The following ZDHHC16 variants were observed in gnomAD, a reference collection of about 807,000 sequenced individuals.
ZDHHC16 encodes zDHHC palmitoyltransferase 16.
In ZDHHC16, 33 loss-of-function variants were observed where a neutral mutation model predicts 54.4. The ratio of observed to expected loss-of-function variants is 0.61; its 90% CI spans 0.46 to 0.81. ZDHHC16 has a LOEUF of 0.81. Ranked by LOEUF, ZDHHC16 falls within the 30% of genes least tolerant of loss-of-function variation. The pLI, the probability that ZDHHC16 is intolerant of heterozygous loss-of-function variation, is 0.00. For missense variants in ZDHHC16, 420 were observed against 485.9 expected, an observed-to-expected ratio of 0.86 and a Z score of 1.28; for synonymous variants, 185 against 182.1, an observed-to-expected ratio of 1.02 and a Z score of -0.13.
At chr10:97,451,650 C>T (rs780322317) in intron 2 of ZDHHC16, 21 bp from the exon 3 acceptor site, 17 of 1,595,970 alleles carry the variant, frequency 1.1e-5, no homozygotes, top group African/African-American at 2.7e-5. Flanking sequence ...ACTAGATCCT[C>T]ACAATGGTGT....
chr10:97,453,104 G>A (rs1289361605), intron 6 of ZDHHC16, among the ~76,000 whole-genome samples, 181 bp downstream of exon 6: 1 of 152,168 alleles, frequency 6.6e-6, no homozygotes, highest in Non-Finnish European at 1.5e-5. Context: ...CTTGGAGCAG[G>A]GAATCTTTTA....
Position 97,457,020 on chromosome 10 carries a change from C to A in ZDHHC16, c.*129C>A. ...AGTGGGCCTGCCTTAGGGTACCATG[C>A]AGGACAATTCAAGGACCAGCCTTTT... On this transcript the variant is annotated 3_prime_UTR_variant, in exon 12 of 12. Coordinates refer to ENST00000393760, the MANE Select transcript of ZDHHC16 (RefSeq NM_198046.3). 1.7e-6 allele frequency: 1 copy of A among 586,438 alleles called. No homozygotes were observed. The highest frequency in any genetic ancestry group is 2.8e-6 in the Non-Finnish European group (1 of 360,364). 36.3% of individuals were successfully genotyped at this position (586,438 alleles called of 1,614,324 possible).
chr10:97,446,414 G>A, intron 1 of ZDHHC16, 61 bp downstream of exon 1: 1 of 244,206 alleles, frequency 4.1e-6, no homozygotes. Context: ...GTAGGGCACT[G>A]CCCTGGGGCC....
rs533362861 is a variant in ZDHHC16, at chr10:97,446,468, C to T, written c.-186+115C>T. The stretch of plus-strand genomic sequence containing the variant: ...CCTGCTCTCTCCTCGCCCCGCCCTG[C>T]GGGGCCGTGCCCTCCTCAGCCCGAG... On this transcript the variant is annotated intron_variant, in intron 1 of 11. Coordinates refer to ENST00000393760, the MANE Select transcript of ZDHHC16 (RefSeq NM_198046.3). 385 of 180,156 alleles carry T rather than the reference C, an allele frequency of 2.1e-3. 3 individuals are homozygous for T. The highest frequency in any genetic ancestry group is 8.5e-3 in the African/African-American group (354 of 41,810). 11.2% of individuals were successfully genotyped at this position (180,156 alleles called of 1,614,324 possible). A position where few individuals can be genotyped will look rare whatever the true frequency, so the allele number is the denominator to read the frequency against.
intron 6 of ZDHHC16, 82 bp downstream of exon 6, chr10:97,453,005 T>C: frequency 6.3e-7 from 1 of 1,577,288 alleles, no homozygotes; most frequent in Non-Finnish European, 8.7e-7. Context: ...CATTTTAGCA[T>C]CACCGTGCAG....
At chr10:97,450,141 G>C (rs1846487581) in intron 1 of ZDHHC16, among the ~76,000 whole-genome samples, 1 of 152,036 alleles carries the variant, frequency 6.6e-6, no homozygotes, top group Admixed American at 6.6e-5. Context: ...AAAGTGCTGG[G>C]ATTACAGGCG....
chr10:97,455,738 G>A lies in ZDHHC16; in HGVS notation c.903G>A (p.Arg301=). ...LISRGETSIE[R]HINKKERRRL... ...GTCGAGGTGAGACTAGCATCGAAAG[G>A]CACATCAACAAGAAGGAGAGACGTC... The change falls in exon 10 of 12, where the codon AGG becomes AGA. Residue 301 remains arginine, a synonymous_variant. Coordinates refer to ENST00000393760, the MANE Select transcript of ZDHHC16 (RefSeq NM_198046.3). 1 of 1,614,172 alleles carries A rather than the reference G, an allele frequency of 6.2e-7. No individual in the cohort carries two copies. Among genetic ancestry groups the A allele is most frequent in the East Asian group, 2.2e-5 (1 of 44,884 alleles).
At chr10:97,453,947 C>A in intron 8 of ZDHHC16, 101 bp downstream of exon 8, 1 of 1,503,468 alleles carries the variant, frequency 6.7e-7, no homozygotes, top group Non-Finnish European at 9.2e-7. Flanking sequence ...GTAGAGGCTG[C>A]CGAGAGGCCA....
chr10:97,454,930 C>A, intron 9 of ZDHHC16, 131 bp downstream of exon 9: 1 of 739,242 alleles, frequency 1.4e-6, no homozygotes. Flanking sequence ...TGGCAGAGAG[C>A]CAGCACTTTC....
intron 8 of ZDHHC16, among the ~76,000 whole-genome samples, chr10:97,454,356 AT>A (rs1254417206): frequency 6.6e-6 from 1 of 152,126 alleles, no homozygotes; most frequent in Non-Finnish European, 1.5e-5. Flanking sequence ...CAGTCAGTCC[AT>A]TCTGGGTATG....
intron 1 of ZDHHC16, among the ~76,000 whole-genome samples, chr10:97,447,070 C>G (rs1846136937): frequency 6.6e-6 from 1 of 152,216 alleles, no homozygotes; most frequent in African/African-American, 2.4e-5. Flanking sequence ...CGCGGCCCCT[C>G]ATCCCCACTT....
chr10:97,455,863 T>A (rs1847126567), intron 10 of ZDHHC16, 80 bp downstream of exon 10: 1 of 1,602,326 alleles, frequency 6.2e-7, no homozygotes, highest in Non-Finnish European at 8.5e-7. Context: ...TGGGCAGGGC[T>A]GACTAGGGCA....
intron 11 of ZDHHC16, 56 bp from the exon 12 acceptor site, chr10:97,456,721 G>T: frequency 1.5e-6 from 2 of 1,317,542 alleles, no homozygotes; most frequent in South Asian, 1.4e-5. Flanking sequence ...AAGGAATGAT[G>T]ATTGGGAAGG....
chr10:97,456,981 G>A lies in ZDHHC16; in HGVS notation c.*90G>A. On this transcript the variant is annotated 3_prime_UTR_variant, in exon 12 of 12. Coordinates refer to ENST00000393760, the MANE Select transcript of ZDHHC16 (RefSeq NM_198046.3). ...AAGGGCAGCTTTTCTCAGAATCCTT[G>A]ATCAAAAAGAGCCAGTGGGCCTGCC... is the stretch of plus-strand genomic sequence containing the variant. The A allele has an allele frequency of 4.6e-6, 5 of 1,081,240 alleles. No homozygotes were observed. Among genetic ancestry groups the A allele is most frequent in the Non-Finnish European group, 6.4e-6 (5 of 775,684 alleles). 67.0% of individuals were successfully genotyped at this position (1,081,240 alleles called of 1,614,324 possible).
At chr10:97,455,868 A>G (rs1847127452) in intron 10 of ZDHHC16, 85 bp downstream of exon 10, 11 of 1,601,950 alleles carry the variant, frequency 6.9e-6, no homozygotes, top group Admixed American at 1.7e-5. Context: ...AGGGCTGACT[A>G]GGGCAAGCAT....
rs763573940 is a variant in ZDHHC16 at position 97,451,666 on chromosome 10, CG to C, written c.-5-4del. The C allele has an allele frequency of 7.5e-6, 12 of 1,604,748 alleles. No homozygotes were observed. Among genetic ancestry groups the C allele is most frequent in the Admixed American group, 5.0e-5 (3 of 59,568 alleles). On this transcript the variant is annotated splice_polypyrimidine_tract_variant and splice_region_variant and intron_variant, in intron 2 of 11. Coordinates refer to ENST00000393760, the MANE Select transcript of ZDHHC16 (RefSeq NM_198046.3). Reference sequence around the variant, plus strand: ...CTAGATCCTCACAATGGTGTGCTCTCGTAGGAACCATGCGAGGCCAGCGGAG... The same window carrying C: ...CTAGATCCTCACAATGGTGTGCTCTCTAGGAACCATGCGAGGCCAGCGGAG...
rs1846700124 is a variant in ZDHHC16 at position 97,452,162 on chromosome 10, A to C, written c.316A>C (p.Ile106Leu). The change falls in exon 4 of 12, where the codon ATC (isoleucine) becomes CTC (leucine). Residue 106 changes from isoleucine to leucine, a missense_variant. Ile to Leu is a conservative substitution (Grantham distance 5). Coordinates refer to ENST00000393760, the MANE Select transcript of ZDHHC16 (RefSeq NM_198046.3). ...CGCCTACCTGTGTGTCCTGCCTCTC[A>C]TCCTCCGAACCTACTCAGTGCCACG... The part of the protein sequence containing the change: ...AIAYLCVLPL[I>L]LRTYSVPRLC... 2 of 1,613,824 alleles carry C rather than the reference A, an allele frequency of 1.2e-6. No individual in the cohort carries two copies. Among genetic ancestry groups the C allele is most frequent in the African/African-American group, 1.3e-5 (1 of 74,832 alleles).
At chr10:97,452,587 G>T (rs1206699898) in intron 5 of ZDHHC16, 84 bp downstream of exon 5, 1 of 1,416,768 alleles carries the variant, frequency 7.1e-7, no homozygotes, top group Non-Finnish European at 9.7e-7. Flanking sequence ...AGTTTGCTAA[G>T]ACATGGGTGA....
At position 97,447,065 on chromosome 10, in the gene ZDHHC16, C is replaced by A. The variant is rs181281672; in HGVS notation, c.-186+712C>A. Among the ~76,000 whole-genome samples the A allele has an allele frequency of 1.1e-3, 172 of 152,312 alleles. 1 individual carries two copies. The highest frequency in any genetic ancestry group is 3.9e-3 in the African/African-American group (163 of 41,558). Reference sequence around the variant, plus strand: ...TCCTGCGGTCCGATCCTCTTCGCGGCCCCTCATCCCCACTTCAGTAAGCTT... The same window carrying A: ...TCCTGCGGTCCGATCCTCTTCGCGGACCCTCATCCCCACTTCAGTAAGCTT... On this transcript the variant is annotated intron_variant, in intron 1 of 11. Transcript: ENST00000393760.
Sources: gnomAD v4.1 joint callset for allele counts (sites outside exome capture counted in the v4.1 genomes callset) on GRCh38, gnomAD v4.1.1 for gene constraint, MANE v1.5 for transcripts, NCBI Gene and HGNC (gene_info 2026-07-23, HGNC 2026-07-21) for gene names.